SAP130: variants seen among roughly 807,000 people sequenced by gnomAD.
SAP130 encodes the protein Sin3A associated protein 130.
A neutral mutation model predicts 103.2 loss-of-function variants in SAP130; 16 were observed. The ratio of observed to expected loss-of-function variants is 0.16; its 90% CI spans 0.10 to 0.24. The LOEUF (loss-of-function observed/expected upper bound fraction) is 0.24, where lower values mean the gene tolerates loss of function less well. Ranked by LOEUF, SAP130 falls within the 10% of genes least tolerant of loss-of-function variation. SAP130 has a pLI of 1.00. For missense variants in SAP130, 990 were observed against 1,359.7 expected (o/e 0.73, Z 4.28); for synonymous variants, 477 against 497.0 (o/e 0.96, Z 0.53).
intron 15 of SAP130, among the ~76,000 whole-genome samples, chr2:127,977,596 A>G (rs1257950116): frequency 6.6e-6 from 1 of 152,254 alleles, no homozygotes; most frequent in Non-Finnish European, 1.5e-5. Context: ...AAGTGTTTTA[A>G]AAGTATCATT....
Position 128,016,443 on chromosome 2 carries a change from C to T in SAP130, c.453G>A (p.Glu151=), listed in dbSNP as rs767394531. ...TGGCTGAAGCTTGAGGGATGCTACT[C>T]TCCATGGTAACGGTAACCTGCCCTG... is the stretch of plus-strand genomic sequence containing the variant. ...KVPGQVTVTM[E]SSIPQASAIP... The change falls in exon 4 of 21, where the codon GAG becomes GAA. Residue 151 remains glutamate, a synonymous_variant. Coordinates refer to ENST00000643581, the MANE Select transcript of SAP130 (RefSeq NM_001330301.2). The T allele has an allele frequency of 2.0e-5, 32 of 1,614,112 alleles. No homozygotes were observed. The highest frequency in any genetic ancestry group is 2.7e-5 in the Non-Finnish European group (32 of 1,180,006).
chr2:128,011,436 C>T (rs1424459675), intron 6 of SAP130, among the ~76,000 whole-genome samples: 1 of 152,146 alleles, frequency 6.6e-6, no homozygotes, highest in Non-Finnish European at 1.5e-5. Context: ...TCTAAATGGC[C>T]GAGCTCTGCC....
At chr2:127,981,324 G>C (rs62159324) in intron 14 of SAP130, among the ~76,000 whole-genome samples, 37,228 of 61,720 alleles carry the variant, frequency 0.6, 14,533 homozygotes, top group Non-Finnish European at 0.74. Context: ...CCCCAATTCA[G>C]CTCCCCCACC....
rs151008494 is a variant in SAP130 at position 127,979,182 on chromosome 2, G to A, written c.1959-1093C>T. Among the ~76,000 whole-genome samples, 52 of 152,306 alleles carry A rather than the reference G, an allele frequency of 3.4e-4. 1 individual carries two copies. In the South Asian group the frequency reaches 6.4e-3, roughly 19 times the overall value. On this transcript the variant is annotated intron_variant, in intron 14 of 20. Coordinates refer to ENST00000643581, the MANE Select transcript of SAP130 (RefSeq NM_001330301.2). The stretch of plus-strand genomic sequence containing the variant: ...AGGTACGAGGGCAAGGCCATGTGAC[G>A]ACGGAGGCAGAGATTGGGGTGCTGT...
chr2:128,027,054 G>T, intron 1 of SAP130: 1 of 1,396,232 alleles, frequency 7.2e-7, no homozygotes, highest in South Asian at 1.8e-5. Context: ...CGGGCGATCT[G>T]GGGACCCGAC....
rs1414127206 is a variant in SAP130 at position 127,955,574 on chromosome 2, T to C, written c.2064-230A>G. Among the ~76,000 whole-genome samples, 1 of 152,144 alleles carries C rather than the reference T, an allele frequency of 6.6e-6. No individual in the cohort carries two copies. Among genetic ancestry groups the C allele is most frequent in the Non-Finnish European group, 1.5e-5 (1 of 68,030 alleles). On this transcript the variant is annotated intron_variant, in intron 15 of 20. Coordinates refer to ENST00000643581, the MANE Select transcript of SAP130 (RefSeq NM_001330301.2). This position sits in a 1 kb window ranked among gnomAD's most constrained non-coding sequence, Gnocchi z 4.9. Reference sequence around the variant, plus strand: ...TGATCTTGGCTCACCGCAACCTCTGTCTTCTGGGCTCGAGGGATTCTCCCA... The same window carrying C: ...TGATCTTGGCTCACCGCAACCTCTGCCTTCTGGGCTCGAGGGATTCTCCCA...
chr2:127,995,155 T>C (rs943512761), intron 11 of SAP130, among the ~76,000 whole-genome samples: 2 of 152,222 alleles, frequency 1.3e-5, no homozygotes, highest in Non-Finnish European at 2.9e-5. Flanking sequence ...TAAAATATTA[T>C]ATACTTTCTA....
rs999027808 is a variant in SAP130, at chr2:127,955,747, C to T, written c.2064-403G>A. Among the ~76,000 whole-genome samples the T allele has an allele frequency of 2.6e-5, 4 of 152,158 alleles. No individual in the cohort carries two copies. Among genetic ancestry groups the T allele is most frequent in the Admixed American group, 2.6e-4 (4 of 15,276 alleles). On this transcript the variant is annotated intron_variant, in intron 15 of 20. Coordinates refer to ENST00000643581, the MANE Select transcript of SAP130 (RefSeq NM_001330301.2). The surrounding 1 kb of genome is among the most constrained non-coding windows in gnomAD (Gnocchi z 4.9). ...AAGTGATCCGCCTGCCTCGGCCTCC[C>T]AAAGTGATGGGATTACAGGTGTGAG...
In SAP130 at chr2:128,017,704, A is replaced by C. The variant is rs1214966332; in HGVS notation, c.324T>G (p.Leu108=). 6.2e-7 allele frequency: 1 copy of C among 1,614,106 alleles called. No individual in the cohort carries two copies. The highest frequency in any genetic ancestry group is 8.5e-7 in the Non-Finnish European group (1 of 1,180,050). ...CCTTCATAAGTCCCTCCGAAAATGA[A>C]AGTGGCACTGCTGGCGTCAGGTGTG... The part of the protein sequence containing the change: ...PPAHLTPAVP[L]SFSEGLMKPP... Residue 108 remains leucine, a synonymous_variant, in exon 3 of 21, where the codon CTT becomes CTG. Transcript: ENST00000643581.
At chr2:128,023,276 G>A (rs1263361826) in intron 2 of SAP130, among the ~76,000 whole-genome samples, 1 of 152,100 alleles carries the variant, frequency 6.6e-6, no homozygotes, top group Non-Finnish European at 1.5e-5. Flanking sequence ...TTACAGGCAT[G>A]AGCCACTGTA....
rs1281273640 is a variant in SAP130 at position 127,978,021 on chromosome 2, G to A, written c.2027C>T (p.Ser676Phe). The change falls in exon 15 of 21, where the codon TCT becomes TTT. Residue 676 changes from serine to phenylalanine, a missense_variant. Coordinates refer to ENST00000643581, the MANE Select transcript of SAP130 (RefSeq NM_001330301.2). ...AGGTGACCCAGACGTACTCCGCATA[G>A]AGCTTTCCACTCGAGGACTAGCAAC... Reference protein sequence around the residue: ...PDVASPRVESSMRSTSGSPRP... With the variant: ...PDVASPRVESFMRSTSGSPRP... 1.3e-6 allele frequency: 2 copies of A among 1,552,044 alleles called. No individual in the cohort carries two copies. Among genetic ancestry groups the A allele is most frequent in the Non-Finnish European group, 1.7e-6 (2 of 1,147,058 alleles).
intron 14 of SAP130, among the ~76,000 whole-genome samples, chr2:127,985,594 T>C (rs1339928778): frequency 3.3e-5 from 5 of 152,026 alleles, no homozygotes; most frequent in Admixed American, 3.3e-4. Flanking sequence ...AATATGACCC[T>C]TACTACACTT....
intron 15 of SAP130, among the ~76,000 whole-genome samples, chr2:127,972,388 A>G (rs1340697884): frequency 6.6e-6 from 1 of 152,236 alleles, no homozygotes; most frequent in Non-Finnish European, 1.5e-5. Flanking sequence ...AAGTGGGAAG[A>G]TCAGTTGAGG....
At chr2:128,011,560 T>C (rs1056593410) in intron 6 of SAP130, among the ~76,000 whole-genome samples, 1 of 152,180 alleles carries the variant, frequency 6.6e-6, no homozygotes, top group Non-Finnish European at 1.5e-5. Flanking sequence ...GGGAGCTCCT[T>C]GTCTTGGTTC....
chr2:127,994,960 A>G (rs1219324772), intron 11 of SAP130, among the ~76,000 whole-genome samples: 1 of 152,234 alleles, frequency 6.6e-6, no homozygotes, highest in Non-Finnish European at 1.5e-5. Context: ...GGACATATCA[A>G]TGTATCAAAA....
intron 7 of SAP130, among the ~76,000 whole-genome samples, chr2:128,001,010 A>G (rs1428819972): frequency 2.0e-5 from 3 of 152,238 alleles, no homozygotes; most frequent in Admixed American, 6.5e-5. Flanking sequence ...GAAAGATCAG[A>G]GACAATTTGG....
intron 19 of SAP130, among the ~76,000 whole-genome samples, chr2:127,944,318 G>C (rs933592802): frequency 1.3e-5 from 2 of 152,016 alleles, no homozygotes; most frequent in African/African-American, 4.8e-5. Flanking sequence ...TCACAGGCCT[G>C]AGCCACTGAA....
At chr2:128,026,853 C>T (rs957618793) in intron 1 of SAP130, among the ~76,000 whole-genome samples, 4 of 152,230 alleles carry the variant, frequency 2.6e-5, no homozygotes, top group Non-Finnish European at 5.9e-5. Flanking sequence ...CAGATCCCCT[C>T]ACAGAGCCAG....
In SAP130 at chr2:127,947,330, G is replaced by A. The variant is rs73955683; in HGVS notation, c.2798-1771C>T. Among the ~76,000 whole-genome samples the A allele has an allele frequency of 6.0e-3, 909 of 152,322 alleles. 19 individuals are homozygous for A. The highest frequency in any genetic ancestry group is 0.019 in the African/African-American group (789 of 41,578). On this transcript the variant is annotated intron_variant, in intron 18 of 20. Coordinates refer to ENST00000643581, the MANE Select transcript of SAP130 (RefSeq NM_001330301.2). ...CAACCCTAGGAAATTAATAAGGCCA[G>A]TTAATATGGTGGATTACTTTGGTTT...
Sources: allele counts gnomAD v4.1 joint callset (sites outside exome capture counted in the v4.1 genomes callset), GRCh38; gene constraint gnomAD v4.1.1; non-coding constraint Gnocchi (gnomAD v3.1); transcripts MANE v1.5; gene names NCBI Gene and HGNC (gene_info 2026-07-23, HGNC 2026-07-21).